The following ZNF560 variants were observed in gnomAD, a reference collection of about 807,000 sequenced individuals.
ZNF560 encodes the protein zinc finger protein 560.
ZNF560 carries 54 observed loss-of-function variants against 81.8 expected under a neutral mutation model. The observed-to-expected ratio is 0.66, with a 90% CI of 0.53 to 0.83. The LOEUF is 0.83. Ranked by LOEUF, ZNF560 falls within the 40% of genes least tolerant of loss-of-function variation. The pLI is 0.00. For missense variants in ZNF560, 940 were observed against 932.4 expected (o/e 1.01, Z -0.11); for synonymous variants, 321 against 317.9 (o/e 1.01, Z -0.10).
chr19:9,465,272 A>C (rs1449320500), downstream of ZNF560, among the ~76,000 whole-genome samples: 1 of 151,962 alleles, frequency 6.6e-6, no homozygotes, highest in African/African-American at 2.4e-5. Flanking sequence ...CTGGGATTAC[A>C]GGGGTGTACC....
In ZNF560 at chr19:9,469,090, TTTTG is replaced by T; in HGVS notation, c.612+11_612+14del. ...CTGAATGTGAAAAATAAGAAAGTTCTTTTGTTAATCTTACCAACTGTATCCCATT... is the reference window on the plus strand; with the variant it reads ...CTGAATGTGAAAAATAAGAAAGTTCTTTAATCTTACCAACTGTATCCCATT... On this transcript the variant is annotated intron_variant, in intron 9 of 9. Coordinates refer to ENST00000301480, the MANE Select transcript of ZNF560 (RefSeq NM_152476.3). The T allele has an allele frequency of 6.4e-7, 1 of 1,559,262 alleles. No homozygotes were observed. Among genetic ancestry groups the T allele is most frequent in the South Asian group, 1.2e-5 (1 of 84,522 alleles).
the ZNF560 span, among the ~76,000 whole-genome samples, chr19:9,453,667 C>A: frequency 6.6e-6 from 1 of 152,056 alleles, no homozygotes; most frequent in African/African-American, 2.4e-5. Flanking sequence ...AAATTGGAAA[C>A]CTTACTAGTG....
At chr19:9,463,198 C>T (rs1264589333), downstream of ZNF560, among the ~76,000 whole-genome samples, 1 of 151,958 alleles carries the variant, frequency 6.6e-6, no homozygotes, top group Non-Finnish European at 1.5e-5. Flanking sequence ...AACAAGGCTT[C>T]TAGTAAAATT....
chr19:9,473,986 G>A (rs1173858566), intron 4 of ZNF560, among the ~76,000 whole-genome samples: 1 of 152,188 alleles, frequency 6.6e-6, no homozygotes, highest in African/African-American at 2.4e-5. Flanking sequence ...GTAGGTCAAA[G>A]GCAGAGACTA....
rs532569568 is a variant in ZNF560, at chr19:9,486,161, G to A, written c.-56-10792C>T. Among the ~76,000 whole-genome samples, 20 of 152,280 alleles carry A rather than the reference G, an allele frequency of 1.3e-4. 1 individual carries two copies. In the East Asian group the frequency reaches 3.9e-3, roughly 29 times the overall value. ...AAATGCCCAATTCACATGAACACAT[G>A]ACTCCAGATCCTGGAGAAGAACAGG... On this transcript the variant is annotated intron_variant, in intron 2 of 9. Transcript: ENST00000301480.
chr19:9,503,927 A>G, the ZNF560 span, among the ~76,000 whole-genome samples: 2 of 152,252 alleles, frequency 1.3e-5, no homozygotes, highest in Non-Finnish European at 2.9e-5. Context: ...GAATAATTAA[A>G]CGAAGCTAAT....
At chr19:9,450,785 C>G in the ZNF560 span, among the ~76,000 whole-genome samples, 1 of 152,120 alleles carries the variant, frequency 6.6e-6, no homozygotes, top group Non-Finnish European at 1.5e-5. Flanking sequence ...CTGCCTCAGC[C>G]TCCCAAAGTG....
chr19:9,461,023 G>A, the ZNF560 span, among the ~76,000 whole-genome samples: 1 of 152,114 alleles, frequency 6.6e-6, no homozygotes, highest in Non-Finnish European at 1.5e-5. Context: ...GAAACATGAC[G>A]GTATAGTGGC....
intron 2 of ZNF560, among the ~76,000 whole-genome samples, chr19:9,486,824 T>A (rs10406703): frequency 0.048 from 7,342 of 152,276 alleles, 612 homozygotes; most frequent in African/African-American, 0.17. Flanking sequence ...TGCTTTGTGC[T>A]AATAACTCTT....
chr19:9,496,799 G>C (rs2073566115), intron 2 of ZNF560, among the ~76,000 whole-genome samples: 1 of 151,774 alleles, frequency 6.6e-6, no homozygotes, highest in Non-Finnish European at 1.5e-5. Context: ...AGCTGGGCGA[G>C]GTGGCACGTG....
chr19:9,488,473 T>C (rs2073420390), intron 2 of ZNF560, among the ~76,000 whole-genome samples: 1 of 151,994 alleles, frequency 6.6e-6, no homozygotes, highest in Non-Finnish European at 1.5e-5. Flanking sequence ...GACAATCTCA[T>C]TTGGTCCAGA....
rs143625245 is a variant in ZNF560 at position 9,481,669 on chromosome 19, A to C, written c.-56-6300T>G. On this transcript the variant is annotated intron_variant, in intron 2 of 9. Coordinates refer to ENST00000301480, the MANE Select transcript of ZNF560 (RefSeq NM_152476.3). ...ATGTATGCAGCCAACAGACACATGA[A>C]AAAATGCTCATCATCACTGGTCATC... Among the ~76,000 whole-genome samples, 528 of 152,370 alleles carry C rather than the reference A, an allele frequency of 3.5e-3. 4 individuals carry two copies. The highest frequency in any genetic ancestry group is 0.012 in the African/African-American group (511 of 41,592).
At chr19:9,491,075 G>A (rs964674338) in intron 2 of ZNF560, among the ~76,000 whole-genome samples, 15 of 152,122 alleles carry the variant, frequency 9.9e-5, no homozygotes, top group Non-Finnish European at 2.2e-4. Context: ...CAAAGTAGAG[G>A]ATGGGAGATT....
At chr19:9,505,977 ACTTT>A in the ZNF560 span, among the ~76,000 whole-genome samples, 23,193 of 149,872 alleles carry the variant, frequency 0.15, 2,556 homozygotes, top group African/African-American at 0.31. Context: ...ATTCATATTT[ACTTT>A]CTTTCTTTCT....
the ZNF560 span, among the ~76,000 whole-genome samples, chr19:9,460,062 G>C: frequency 6.6e-6 from 1 of 152,138 alleles, no homozygotes; most frequent in East Asian, 1.9e-4. Context: ...AATAACATGG[G>C]GCAGAGGTTA....
chr19:9,449,840 G>A, the ZNF560 span, among the ~76,000 whole-genome samples: 1 of 152,004 alleles, frequency 6.6e-6, no homozygotes, highest in Non-Finnish European at 1.5e-5. Flanking sequence ...GTGCCAGTCT[G>A]TGCCTGTAAT....
the ZNF560 span, among the ~76,000 whole-genome samples, chr19:9,460,862 T>C: frequency 6.6e-6 from 1 of 152,228 alleles, no homozygotes; most frequent in African/African-American, 2.4e-5. Flanking sequence ...ATGATTCCTA[T>C]GGAATCATTA....
chr19:9,492,126 A>G (rs1195909862), intron 2 of ZNF560, among the ~76,000 whole-genome samples: 2 of 151,966 alleles, frequency 1.3e-5, no homozygotes, highest in East Asian at 3.9e-4. Context: ...GACTACAGGC[A>G]TGTATCATCA....
chr19:9,467,293 C>G lies in ZNF560; in HGVS notation c.1654G>C (p.Ala552Pro), dbSNP rs550402562. ...GTAAGATATGAGCACTTAGTGAAAG[C>G]TTTACCACATTTCTTACATTGATAG... ...RLYQCKKCGKAFTKCSYLTKH... is the reference protein window; with the variant it reads ...RLYQCKKCGKPFTKCSYLTKH... The change falls in exon 10 of 10, where the codon GCT becomes CCT. Residue 552 changes from alanine to proline, a missense_variant. Physicochemically the swap from Ala to Pro is conservative, Grantham distance 27 (BLOSUM62 -1). Coordinates refer to ENST00000301480, the MANE Select transcript of ZNF560 (RefSeq NM_152476.3). The G allele has an allele frequency of 6.2e-7, 1 of 1,614,098 alleles. No homozygotes were observed.
Sources: gnomAD v4.1 joint callset for allele counts (sites outside exome capture counted in the v4.1 genomes callset) on GRCh38, gnomAD v4.1.1 for gene constraint, MANE v1.5 for transcripts, NCBI Gene and HGNC (gene_info 2026-07-23, HGNC 2026-07-21) for gene names.